Variants in ATXN7L2 observed in about 807,000 individuals in gnomAD.
ATXN7L2 encodes the protein ataxin 7 like 2.
Under a neutral mutation model 59.6 loss-of-function variants are expected in ATXN7L2, and 17 were observed. The observed-to-expected ratio is 0.29, with a 90% CI of 0.20 to 0.43. The LOEUF (loss-of-function observed/expected upper bound fraction) is 0.43. Among genes scored for constraint, ATXN7L2 ranks in the 20% least tolerant of loss-of-function variants. The pLI is 1.00. For missense variants in ATXN7L2, 858 were observed against 1,008.9 expected, an observed-to-expected ratio of 0.85 and a Z score of 2.03; for synonymous variants, 378 against 392.5, an observed-to-expected ratio of 0.96 and a Z score of 0.44.
In ATXN7L2 at chr1:109,485,542, GGGT is replaced by G. The variant is rs935477699; in HGVS notation, c.128-512_128-510del. The G allele has an allele frequency of 1.0e-5, 10 of 985,456 alleles. No individual in the cohort carries two copies. In the African/African-American group the frequency reaches 1.6e-4, roughly 16 times the overall value. 61.0% of individuals were successfully genotyped at this position (985,456 alleles called of 1,614,324 possible). A position where few individuals can be genotyped will look rare whatever the true frequency, so the allele number is the denominator to read the frequency against. ...AGGTGGAGCAAAATTGAGTTCATGG[GGGT>G]GGGGACCTGGGAGAGTATCTATTTG... On this transcript the variant is annotated intron_variant, in intron 1 of 10. Transcript: ENST00000683729.
chr1:109,491,107 G>C lies in ATXN7L2; in HGVS notation c.1640G>C (p.Ser547Thr), dbSNP rs750369434. 6.2e-7 allele frequency: 1 copy of C among 1,613,396 alleles called. No homozygotes were observed. The highest frequency in any genetic ancestry group is 1.1e-5 in the South Asian group (1 of 91,076). ...CCCAGCTACCCTGCAGGCTCCCCCA[G>C]CGTGGCGGCTGCCTGTAGCCAGGCA... is the stretch of plus-strand genomic sequence containing the variant. ...LVPSYPAGSP[S>T]VAAACSQAEC... Residue 547 changes from serine to threonine, a missense_variant, in exon 10 of 11, where the codon AGC becomes ACC. This residue lies in a region of ATXN7L2 where 734 missense variants were observed against 862.3 expected (regional missense o/e 0.85). Transcript: ENST00000683729. The surrounding 1 kb of genome is among the most constrained non-coding windows in gnomAD (Gnocchi z 4.1).
In ATXN7L2 at chr1:109,488,768, C is replaced by G. The variant is rs530559720; in HGVS notation, c.880-79C>G. On this transcript the variant is annotated intron_variant, in intron 6 of 10. Coordinates refer to ENST00000683729, the MANE Select transcript of ATXN7L2 (RefSeq NM_001350175.2). The surrounding 1 kb of genome is among the most constrained non-coding windows in gnomAD (Gnocchi z 5.0). ...CTCTCTCCCTGCCCCCCAACTTGCCCGGGCCAAAGCACCCTGCCGTCCCTC... is the reference window on the plus strand; with the variant it reads ...CTCTCTCCCTGCCCCCCAACTTGCCGGGGCCAAAGCACCCTGCCGTCCCTC... 1.8e-5 allele frequency: 27 copies of G among 1,509,752 alleles called. No homozygotes were observed. Among genetic ancestry groups the G allele is most frequent in the African/African-American group, 2.8e-5 (2 of 72,066 alleles). 93.5% of individuals were successfully genotyped at this position (1,509,752 alleles called of 1,614,324 possible).
chr1:109,487,813 T>C lies in ATXN7L2; in HGVS notation c.796+9T>C. The C allele has an allele frequency of 6.3e-7, 1 of 1,585,728 alleles. No individual in the cohort carries two copies. Among genetic ancestry groups the C allele is most frequent in the East Asian group, 2.3e-5 (1 of 44,324 alleles). On this transcript the variant is annotated intron_variant, in intron 5 of 10. Coordinates refer to ENST00000683729, the MANE Select transcript of ATXN7L2 (RefSeq NM_001350175.2). ...CCACCGGAAGATGGCTCGTGAGTAGTTGTGGTCTTGGGGGTCCAGAATGTA... is the reference window on the plus strand; with the variant it reads ...CCACCGGAAGATGGCTCGTGAGTAGCTGTGGTCTTGGGGGTCCAGAATGTA...
At chr1:109,492,786 G>A (rs1157901661), downstream of ATXN7L2, 2 of 705,220 alleles carry the variant, frequency 2.8e-6, no homozygotes, top group Non-Finnish European at 4.4e-6. Flanking sequence ...CAGAAACATA[G>A]AAAAGGAAGG....
In ATXN7L2 at chr1:109,484,067, G is replaced by T; in HGVS notation, c.114G>T (p.Leu38=). ...SWSSWVERAD[L]PAADGAELEE... ...GCTCGTGGGTGGAGCGGGCCGACCTGCCCGCGGCTGACGGTGAGTAAAGCC... is the reference window on the plus strand; with the variant it reads ...GCTCGTGGGTGGAGCGGGCCGACCTTCCCGCGGCTGACGGTGAGTAAAGCC... Residue 38 remains leucine, a synonymous_variant, in exon 1 of 11, where the codon CTG becomes CTT. Coordinates refer to ENST00000683729, the MANE Select transcript of ATXN7L2 (RefSeq NM_001350175.2). The T allele has an allele frequency of 2.0e-6, 3 of 1,517,246 alleles. No homozygotes were observed. Among genetic ancestry groups the T allele is most frequent in the South Asian group, 1.2e-5 (1 of 81,978 alleles). The allele number at this position is 1,517,246 out of a possible 1,614,324, so 94.0% of individuals were successfully genotyped here.
Position 109,488,504 on chromosome 1 carries a change from CAG to C in ATXN7L2, c.879+40_879+41del. The C allele has an allele frequency of 6.4e-7, 1 of 1,559,128 alleles. No individual in the cohort carries two copies. The highest frequency in any genetic ancestry group is 8.8e-7 in the Non-Finnish European group (1 of 1,136,742). ...CACTGCACGGTGAGGGAGGACAGCA[CAG>C]GGCTTGCCCACTCCTTCCCTGGGCA... On this transcript the variant is annotated intron_variant, in intron 6 of 10. Coordinates refer to ENST00000683729, the MANE Select transcript of ATXN7L2 (RefSeq NM_001350175.2). This position sits in a 1 kb window ranked among gnomAD's most constrained non-coding sequence, Gnocchi z 5.0.
chr1:109,485,978 A>C (rs1656556003), intron 1 of ATXN7L2, 79 bp from the exon 2 acceptor site: 1 of 1,433,052 alleles, frequency 7.0e-7, no homozygotes, highest in South Asian at 1.6e-5. Context: ...GTCTTCTGGG[A>C]AGAACAGTCT....
In ATXN7L2 at chr1:109,492,619, C is replaced by G. The variant is rs1183065332; in HGVS notation, c.*19C>G. 3 of 1,613,262 alleles carry G rather than the reference C, an allele frequency of 1.9e-6. No individual in the cohort carries two copies. ...CCATTAACGAGAAAGTGCCTGCCCA[C>G]TGCAACGGAGCCGCCAGCACCTCCT... On this transcript the variant is annotated 3_prime_UTR_variant, in exon 11 of 11. Transcript: ENST00000683729.
chr1:109,491,180 C>A lies in ATXN7L2; in HGVS notation c.1713C>A (p.Asn571Lys), dbSNP rs773215200. 5.6e-6 allele frequency: 9 copies of A among 1,613,930 alleles called. No homozygotes were observed. Among genetic ancestry groups the A allele is most frequent in the Non-Finnish European group, 7.6e-6 (9 of 1,179,998 alleles). Residue 571 changes from asparagine to lysine, a missense_variant, in exon 10 of 11, where the codon AAC becomes AAA. This residue lies in a region of ATXN7L2 where 734 missense variants were observed against 862.3 expected (regional missense o/e 0.85). Coordinates refer to ENST00000683729, the MANE Select transcript of ATXN7L2 (RefSeq NM_001350175.2). This position sits in a 1 kb window ranked among gnomAD's most constrained non-coding sequence, Gnocchi z 4.1. ...SQAITSPLPA[N>K]TPSPSFSKLP... is the part of the protein sequence containing the mutation. The stretch of plus-strand genomic sequence containing the variant: ...CTATCACCTCACCACTGCCTGCCAA[C>A]ACGCCATCCCCGTCCTTCAGCAAGC...
At chr1:109,484,123 T>C in intron 1 of ATXN7L2, 43 bp downstream of exon 1, 1 of 1,410,268 alleles carries the variant, frequency 7.1e-7, no homozygotes, top group Non-Finnish European at 9.3e-7. Flanking sequence ...CATCACTATC[T>C]CCCCTCCCCC....
Position 109,484,067 on chromosome 1 carries a change from G to A in ATXN7L2, c.114G>A (p.Leu38=), listed in dbSNP as rs1056403078. The part of the protein sequence containing the change: ...SWSSWVERAD[L]PAADGAELEE... The stretch of plus-strand genomic sequence containing the variant: ...GCTCGTGGGTGGAGCGGGCCGACCT[G>A]CCCGCGGCTGACGGTGAGTAAAGCC... The change falls in exon 1 of 11, where the codon CTG becomes CTA. Residue 38 remains leucine (L), a synonymous_variant. Coordinates refer to ENST00000683729, the MANE Select transcript of ATXN7L2 (RefSeq NM_001350175.2). 3 of 1,517,244 alleles carry A rather than the reference G, an allele frequency of 2.0e-6. No homozygotes were observed. Among genetic ancestry groups the A allele is most frequent in the African/African-American group, 1.4e-5 (1 of 69,868 alleles). The allele number at this position is 1,517,244 out of a possible 1,614,324, so 94.0% of individuals were successfully genotyped here.
In ATXN7L2 at chr1:109,488,724, C is replaced by T. The variant is rs1656776459; in HGVS notation, c.880-123C>T. ...GGAATGAAACAAAGACACATGAACA[C>T]AGCTGCAAATATGCCCACCTCTCTC... On this transcript the variant is annotated intron_variant, in intron 6 of 10. Coordinates refer to ENST00000683729, the MANE Select transcript of ATXN7L2 (RefSeq NM_001350175.2). The surrounding 1 kb of genome is among the most constrained non-coding windows in gnomAD (Gnocchi z 5.0). The T allele has an allele frequency of 7.7e-7, 1 of 1,293,858 alleles. No individual in the cohort carries two copies. The highest frequency in any genetic ancestry group is 2.3e-5 in the East Asian group (1 of 43,010). The allele number at this position is 1,293,858 out of a possible 1,614,324, so 80.1% of individuals were successfully genotyped here.
At chr1:109,485,869 G>A (rs1012357811) in intron 1 of ATXN7L2, 188 bp from the exon 2 acceptor site, 4 of 1,237,902 alleles carry the variant, frequency 3.2e-6, no homozygotes, top group Non-Finnish European at 4.0e-6. Context: ...GGTTCCCCAA[G>A]TGGTCCTAGC....
At chr1:109,490,526 G>C in intron 9 of ATXN7L2, 134 bp downstream of exon 9, 1 of 1,304,828 alleles carries the variant, frequency 7.7e-7, no homozygotes, top group Non-Finnish European at 1.0e-6. Context: ...CAGGACCCCA[G>C]ATAGGGAGTA....
chr1:109,484,291 C>G (rs1347608631), intron 1 of ATXN7L2, among the ~76,000 whole-genome samples: 2 of 152,134 alleles, frequency 1.3e-5, no homozygotes, highest in African/African-American at 4.8e-5. Context: ...GCAGCCCACC[C>G]TGCCAACCTC....
rs775260176 is a variant in ATXN7L2 at position 109,487,770 on chromosome 1, C to T, written c.762C>T (p.Thr254=). Residue 254 remains threonine, a synonymous_variant, in exon 5 of 11, where the codon ACC becomes ACT. Transcript: ENST00000683729. ...CTCCTGAAAAGGAGCCCAGTGGGAC[C>T]AGGCTGCCCCCTAAAACCCACCGGA... The part of the protein sequence containing the change: ...GSPPEKEPSG[T]RLPPKTHRKM... 1.9e-6 allele frequency: 3 copies of T among 1,609,122 alleles called. No individual in the cohort carries two copies. In the African/African-American group the frequency reaches 4.0e-5, roughly 22 times the overall value.
chr1:109,485,529 A>G, intron 1 of ATXN7L2: 1 of 985,440 alleles, frequency 1.0e-6, no homozygotes, highest in South Asian at 4.7e-5. Flanking sequence ...GTGGAGCAAA[A>G]TTGAGTTCAT....
At chr1:109,484,317 C>T (rs866814954) in intron 1 of ATXN7L2, among the ~76,000 whole-genome samples, 9 of 152,108 alleles carry the variant, frequency 5.9e-5, no homozygotes, top group Admixed American at 1.3e-4. Context: ...CTGCCAGTCG[C>T]TAATACCTGC....
intron 7 of ATXN7L2, 97 bp downstream of exon 7, chr1:109,489,197 GGCACTCCCTCA>G: frequency 6.8e-7 from 1 of 1,461,232 alleles, no homozygotes; most frequent in Non-Finnish European, 9.2e-7. Flanking sequence ...TCCTGGAAGA[GGCACTCCCTCA>G]GCCCTGAGTG....
Sources: gnomAD v4.1 joint callset for allele counts (sites outside exome capture counted in the v4.1 genomes callset) on GRCh38, gnomAD v4.1.1 for gene constraint, gnomAD v4.1.1 regional missense constraint, Gnocchi (gnomAD v3.1) non-coding constraint, MANE v1.5 for transcripts, NCBI Gene and HGNC (gene_info 2026-07-23, HGNC 2026-07-21) for gene names.